The following WNT4 variants were observed in gnomAD, a reference collection of about 807,000 sequenced individuals.
WNT4 encodes the protein Wnt family member 4.
Under a neutral mutation model 34.5 loss-of-function variants are expected in WNT4, and 16 were observed. That is an observed-to-expected ratio of 0.46 (90% confidence interval 0.31 to 0.70). WNT4 has a LOEUF of 0.70. Among genes scored for constraint, WNT4 ranks in the 30% least tolerant of loss-of-function variants. The pLI is 0.04. For synonymous variants in WNT4, 200 were observed against 211.9 expected (o/e 0.94, Z 0.49); for missense variants, 379 against 495.9 (o/e 0.76, Z 2.24).
chr1:22,122,523 G>T lies in WNT4; in HGVS notation c.314-947C>A, dbSNP rs545377900. On this transcript the variant is annotated intron_variant, in intron 2 of 4. Coordinates refer to ENST00000290167, the MANE Select transcript of WNT4 (RefSeq NM_030761.5). ...TGTTGTGGACTCTCTTTCTGGAGGT[G>T]GGGGGCAGTGTGTGAGCTGGAGTAT... 1.3e-4 allele frequency among the ~76,000 whole-genome samples: 20 copies of T among 152,280 alleles called. No individual in the cohort carries two copies. The South Asian group carries it at 4.2e-3, about 32-fold the overall frequency.
chr1:22,130,070 A>G (rs1226462683), intron 1 of WNT4, among the ~76,000 whole-genome samples: 1 of 152,102 alleles, frequency 6.6e-6, no homozygotes, highest in Non-Finnish European at 1.5e-5. Context: ...CTCTATCTCA[A>G]GTTCAGCAAA....
In WNT4 at chr1:22,140,317, T is replaced by C; in HGVS notation, c.77+2529A>G. The C allele has an allele frequency of 3.1e-6, 3 of 978,644 alleles. No homozygotes were observed. The highest frequency in any genetic ancestry group is 3.6e-6 in the Non-Finnish European group (3 of 823,700). The allele number at this position is 978,644 out of a possible 1,614,324, so 60.6% of individuals were successfully genotyped here. ...TCTGGCATTTACCAGCTGGGTGACT[T>C]GGGCAGTTACCTCTGCGATCCCCAA... On this transcript the variant is annotated intron_variant, in intron 1 of 4. Coordinates refer to ENST00000290167, the MANE Select transcript of WNT4 (RefSeq NM_030761.5). The surrounding 1 kb of genome is among the most constrained non-coding windows in gnomAD (Gnocchi z 5.9).
At chr1:22,122,286 C>T (rs1437379574) in intron 2 of WNT4, among the ~76,000 whole-genome samples, 1 of 152,130 alleles carries the variant, frequency 6.6e-6, no homozygotes, top group Non-Finnish European at 1.5e-5. Context: ...GCTTCATTGT[C>T]CCCCATTTTA....
At chr1:22,128,255 G>A (rs998457019) in intron 2 of WNT4, among the ~76,000 whole-genome samples, 6 of 152,170 alleles carry the variant, frequency 3.9e-5, no homozygotes, top group Non-Finnish European at 8.8e-5. Flanking sequence ...CAGCAGCCCC[G>A]GCCGTCCAGG....
Position 22,120,449 on chromosome 1 carries a change from C to T in WNT4, c.657G>A (p.Thr219=), listed in dbSNP as rs377198447. ...HGVSGSCEVK[T]CWRAVPPFRQ... is the part of the protein sequence containing the mutation. ...GGAAGGGCGGCACGGCTCGCCAGCA[C>T]GTCTTTACCTCACAGGAGCCTGACA... The change falls in exon 5 of 5, where the codon ACG becomes ACA. Residue 219 remains threonine (T), a synonymous_variant. Coordinates refer to ENST00000290167, the MANE Select transcript of WNT4 (RefSeq NM_030761.5). The T allele has an allele frequency of 1.9e-5, 31 of 1,613,552 alleles. No homozygotes were observed. Among genetic ancestry groups the T allele is most frequent in the East Asian group, 2.2e-5 (1 of 44,896 alleles).
At chr1:22,136,169 A>G (rs941767526) in intron 1 of WNT4, among the ~76,000 whole-genome samples, 11 of 152,058 alleles carry the variant, frequency 7.2e-5, no homozygotes, top group African/African-American at 2.2e-4. Flanking sequence ...CTGAGCCTGG[A>G]TGGCCCCAGA....
chr1:22,129,520 T>C (rs1645965925), intron 2 of WNT4, 96 bp downstream of exon 2: 3 of 1,392,606 alleles, frequency 2.2e-6, no homozygotes, highest in Admixed American at 2.0e-5. Context: ...AGAAATGACC[T>C]GCAATAGTCC....
intron 1 of WNT4, among the ~76,000 whole-genome samples, chr1:22,135,666 C>T (rs887115027): frequency 1.3e-5 from 2 of 152,158 alleles, no homozygotes; most frequent in Non-Finnish European, 2.9e-5. Flanking sequence ...GGAAGGGTTG[C>T]TGCCACTGGT....
chr1:22,139,583 C>T lies in WNT4; in HGVS notation c.77+3263G>A, dbSNP rs1018371037. On this transcript the variant is annotated intron_variant, in intron 1 of 4. Coordinates refer to ENST00000290167, the MANE Select transcript of WNT4 (RefSeq NM_030761.5). The surrounding 1 kb of genome is among the most constrained non-coding windows in gnomAD (Gnocchi z 4.6). The stretch of plus-strand genomic sequence containing the variant: ...ACTACTTTCCTCAGAAATCCACAGT[C>T]CTGAAACCTTAGCTTATTTATTCCC... Among the ~76,000 whole-genome samples, 2 of 152,198 alleles carry T rather than the reference C, an allele frequency of 1.3e-5. No individual in the cohort carries two copies. The highest frequency in any genetic ancestry group is 2.9e-5 in the Non-Finnish European group (2 of 68,016).
chr1:22,142,931 C>T lies in WNT4; in HGVS notation c.-9G>A. 2 of 1,127,088 alleles carry T rather than the reference C, an allele frequency of 1.8e-6. No homozygotes were observed. Among genetic ancestry groups the T allele is most frequent in the Non-Finnish European group, 1.1e-6 (1 of 901,146 alleles). The allele number at this position is 1,127,088 out of a possible 1,614,324, so 69.8% of individuals were successfully genotyped here. ...CACGAGCGGGGACTCATGGTGCCGCCGCGGGCGCCCGGCCCGGGGCAGCGG... is the reference window on the plus strand; with the variant it reads ...CACGAGCGGGGACTCATGGTGCCGCTGCGGGCGCCCGGCCCGGGGCAGCGG... On this transcript the variant is annotated 5_prime_UTR_variant, in exon 1 of 5. Coordinates refer to ENST00000290167, the MANE Select transcript of WNT4 (RefSeq NM_030761.5). The surrounding 1 kb of genome is among the most constrained non-coding windows in gnomAD (Gnocchi z 6.0).
chr1:22,122,591 C>T (rs1386225486), intron 2 of WNT4, among the ~76,000 whole-genome samples: 1 of 152,126 alleles, frequency 6.6e-6, no homozygotes, highest in African/African-American at 2.4e-5. Context: ...GACCATGCTC[C>T]CCTCCTGGGC....
At chr1:22,128,675 G>A (rs1367447805) in intron 2 of WNT4, among the ~76,000 whole-genome samples, 2 of 152,078 alleles carry the variant, frequency 1.3e-5, no homozygotes, top group South Asian at 2.1e-4. Context: ...ACCTGGGAGC[G>A]GGACGGCCTG....
At chr1:22,126,103 G>T (rs902912914) in intron 2 of WNT4, among the ~76,000 whole-genome samples, 2 of 152,114 alleles carry the variant, frequency 1.3e-5, no homozygotes, top group African/African-American at 4.8e-5. Context: ...CCGCCCTCCC[G>T]GCTGTGCCAG....
chr1:22,137,135 C>T lies in WNT4; in HGVS notation c.77+5711G>A. ...GAGGACGCATCCCTTCCTCCTCCCACCTCCCTCCCGCTCTCTCCTCAGACC... is the reference window on the plus strand; with the variant it reads ...GAGGACGCATCCCTTCCTCCTCCCATCTCCCTCCCGCTCTCTCCTCAGACC... On this transcript the variant is annotated intron_variant, in intron 1 of 4. Transcript: ENST00000290167. This position sits in a 1 kb window ranked among gnomAD's most constrained non-coding sequence, Gnocchi z 5.3. Among the ~76,000 whole-genome samples the T allele has an allele frequency of 6.6e-6, 1 of 152,164 alleles. No individual in the cohort carries two copies. The highest frequency in any genetic ancestry group is 1.9e-4 in the East Asian group (1 of 5,188).
At chr1:22,136,235 G>T (rs1256681203) in intron 1 of WNT4, among the ~76,000 whole-genome samples, 1 of 152,154 alleles carries the variant, frequency 6.6e-6, no homozygotes, top group Non-Finnish European at 1.5e-5. Flanking sequence ...TTGTTGGGGG[G>T]AGTGGGTATC....
At chr1:22,122,381 C>G (rs544504511) in intron 2 of WNT4, among the ~76,000 whole-genome samples, 2 of 152,264 alleles carry the variant, frequency 1.3e-5, no homozygotes, top group Admixed American at 1.3e-4. Flanking sequence ...GACTCAAGCA[C>G]ACGTCTGTCT....
At chr1:22,128,169 C>A (rs1645954548) in intron 2 of WNT4, among the ~76,000 whole-genome samples, 1 of 152,226 alleles carries the variant, frequency 6.6e-6, no homozygotes, top group Admixed American at 6.5e-5. Context: ...TGGCCCCTGC[C>A]AGCTCTTAGG....
chr1:22,142,737 C>A lies in WNT4; in HGVS notation c.77+109G>T. 2 of 777,564 alleles carry A rather than the reference C, an allele frequency of 2.6e-6. No homozygotes were observed. The highest frequency in any genetic ancestry group is 3.1e-6 in the Non-Finnish European group (2 of 640,912). The allele number at this position is 777,564 out of a possible 1,614,324, so 48.2% of individuals were successfully genotyped here. A position where few individuals can be genotyped will look rare whatever the true frequency, so the allele number is the denominator to read the frequency against. On this transcript the variant is annotated intron_variant, in intron 1 of 4. Coordinates refer to ENST00000290167, the MANE Select transcript of WNT4 (RefSeq NM_030761.5). This position sits in a 1 kb window ranked among gnomAD's most constrained non-coding sequence, Gnocchi z 6.0. ...CGAGCCTCCGGTCCCGCGGCCGAGACACCTGCCGGGCTGCCCCGCGCCCGC... is the reference window on the plus strand; with the variant it reads ...CGAGCCTCCGGTCCCGCGGCCGAGAAACCTGCCGGGCTGCCCCGCGCCCGC...
chr1:22,135,479 G>A (rs777987504), intron 1 of WNT4, among the ~76,000 whole-genome samples: 1 of 152,218 alleles, frequency 6.6e-6, no homozygotes, highest in Non-Finnish European at 1.5e-5. Context: ...TGACCTGAGG[G>A]AGGAGGCCTG....
Sources: allele counts gnomAD v4.1 joint callset (sites outside exome capture counted in the v4.1 genomes callset), GRCh38; gene constraint gnomAD v4.1.1; non-coding constraint Gnocchi (gnomAD v3.1); transcripts MANE v1.5; gene names NCBI Gene and HGNC (gene_info 2026-07-23, HGNC 2026-07-21).